CUX1: variants seen among roughly 807,000 people sequenced by gnomAD.
CUX1 encodes the protein cut like homeobox 1.
Under a neutral mutation model 158.8 loss-of-function variants are expected in CUX1, and 31 were observed. That is an observed-to-expected ratio of 0.20 (90% CI 0.15 to 0.26). CUX1 has a LOEUF of 0.26. Among genes scored for constraint, CUX1 ranks in the 10% least tolerant of loss-of-function variants. The pLI is 1.00. For synonymous variants in CUX1, 879 were observed against 862.1 expected (o/e 1.02, Z -0.34); for missense variants, 1,589 against 2,014.6 (o/e 0.79, Z 4.04).
At chr7:101,910,073 C>G (rs1201378858) in intron 1 of CUX1, among the ~76,000 whole-genome samples, 5 of 152,142 alleles carry the variant, frequency 3.3e-5, no homozygotes, top group Admixed American at 3.3e-4. Context: ...ATGCACACCA[C>G]CATGCCCAGC....
intron 5 of CUX1, among the ~76,000 whole-genome samples, chr7:102,103,432 TCTCA>T (rs143109348): frequency 0.017 from 2,478 of 148,396 alleles, 58 homozygotes; most frequent in African/African-American, 0.055. Flanking sequence ...TCTCTCTCTC[TCTCA>T]CTCACTCACT....
intron 4 of CUX1, among the ~76,000 whole-genome samples, chr7:102,079,447 A>G (rs1487970590): frequency 6.6e-6 from 1 of 151,998 alleles, no homozygotes; most frequent in Non-Finnish European, 1.5e-5. Context: ...CAAAAAAAAA[A>G]AAATGACAAA....
In CUX1 at chr7:102,178,463, C is replaced by T. The variant is rs782605802; in HGVS notation, c.829-6C>T. Reference sequence around the variant, plus strand: ...GCAGTTTTGTCATCTCTTTTCTCCTCCCCAGGAGCAGGCCATAGAGGTGCT... The same window carrying T: ...GCAGTTTTGTCATCTCTTTTCTCCTTCCCAGGAGCAGGCCATAGAGGTGCT... On this transcript the variant is annotated splice_polypyrimidine_tract_variant and splice_region_variant and intron_variant, in intron 10 of 23. Transcript: ENST00000292535. The T allele has an allele frequency of 3.8e-6, 6 of 1,589,016 alleles. No individual in the cohort carries two copies. The East Asian group carries it at 1.1e-4, about 30-fold the overall frequency.
intron 11 of CUX1, among the ~76,000 whole-genome samples, chr7:102,186,038 T>G (rs1243411792): frequency 1.3e-5 from 2 of 152,150 alleles, no homozygotes; most frequent in African/African-American, 4.8e-5. Context: ...TTCAGAGACA[T>G]TGGGAAACTG....
intron 8 of CUX1, among the ~76,000 whole-genome samples, chr7:102,149,330 A>G (rs1255737411): frequency 1.3e-5 from 2 of 152,024 alleles, no homozygotes; most frequent in African/African-American, 4.8e-5. Context: ...CTGGGATGTC[A>G]CTGTGCTGAA....
chr7:102,187,726 G>T (rs1045468715), intron 11 of CUX1, among the ~76,000 whole-genome samples: 22 of 150,546 alleles, frequency 1.5e-4, no homozygotes, highest in African/African-American at 4.9e-4. Flanking sequence ...AGCCAGGATG[G>T]TCTCAATCTC....
chr7:102,124,263 A>T (rs1224811171), intron 8 of CUX1, among the ~76,000 whole-genome samples: 1 of 152,184 alleles, frequency 6.6e-6, no homozygotes, highest in Non-Finnish European at 1.5e-5. Context: ...GTCAGGGTGG[A>T]TAACGGGCAT....
intron 2 of CUX1, among the ~76,000 whole-genome samples, chr7:101,927,657 A>C (rs1377629290): frequency 6.6e-6 from 1 of 152,218 alleles, no homozygotes; most frequent in Non-Finnish European, 1.5e-5. Context: ...CTTCAAAAAA[A>C]ACAAAAACAC....
At chr7:102,041,256 C>CTTTTTTTTTT (rs11427183) in intron 3 of CUX1, among the ~76,000 whole-genome samples, 3 of 69,892 alleles carry the variant, frequency 4.3e-5, no homozygotes, top group African/African-American at 1.0e-4. Flanking sequence ...CTTATCCATT[C>CTTTTTTTTTT]TTTTTTTTTT....
At chr7:102,095,632 C>T (rs1200853326) in intron 4 of CUX1, among the ~76,000 whole-genome samples, 2 of 152,108 alleles carry the variant, frequency 1.3e-5, no homozygotes, top group African/African-American at 4.8e-5. Context: ...TTCCAGGAAC[C>T]TAGGGTGGTC....
intron 2 of CUX1, among the ~76,000 whole-genome samples, chr7:102,025,576 C>T (rs759697254): frequency 2.0e-5 from 3 of 151,540 alleles, no homozygotes; most frequent in Admixed American, 6.6e-5. Flanking sequence ...TACAGTGAGC[C>T]GAGATCATGC....
intron 1 of CUX1, among the ~76,000 whole-genome samples, chr7:101,854,933 G>A (rs568248803): frequency 2.0e-5 from 3 of 152,190 alleles, no homozygotes; most frequent in East Asian, 1.9e-4. Context: ...TAGTAGAGGT[G>A]GGGTTTCACC....
chr7:102,210,601 T>C (rs540804838), intron 20 of CUX1, among the ~76,000 whole-genome samples: 1 of 152,352 alleles, frequency 6.6e-6, no homozygotes, highest in South Asian at 2.1e-4. Flanking sequence ...AGGTGTATTA[T>C]GGCTATCCAG....
intron 21 of CUX1, among the ~76,000 whole-genome samples, chr7:102,231,425 G>A (rs1240521060): frequency 6.6e-6 from 1 of 151,820 alleles, no homozygotes; most frequent in Non-Finnish European, 1.5e-5. Flanking sequence ...CACCATCATT[G>A]CTGGAGTTTT....
At chr7:102,147,285 C>A (rs1240183918) in intron 8 of CUX1, among the ~76,000 whole-genome samples, 1 of 152,248 alleles carries the variant, frequency 6.6e-6, no homozygotes, top group East Asian at 1.9e-4. Flanking sequence ...ATGAGGGCTG[C>A]CAAGAAAACC....
chr7:102,007,385 C>T (rs1817511418), intron 2 of CUX1, among the ~76,000 whole-genome samples: 1 of 152,070 alleles, frequency 6.6e-6, no homozygotes, highest in African/African-American at 2.4e-5. Context: ...TTCTCTTCCC[C>T]TCTCCTGTTA....
In CUX1 at chr7:101,884,802, T is replaced by C. The variant is rs117247293; in HGVS notation, c.31-31313T>C. Among the ~76,000 whole-genome samples, 870 of 152,322 alleles carry C rather than the reference T, an allele frequency of 5.7e-3. 3 individuals are homozygous for C. The highest frequency in any genetic ancestry group is 0.031 in the Middle Eastern group (9 of 294). ...TATTTACACAGTGACACCATAAACA[T>C]TGGATAAACAGAGGATTTGTTTTAA... On this transcript the variant is annotated intron_variant, in intron 1 of 23. Coordinates refer to ENST00000292535, the MANE Select transcript of CUX1 (RefSeq NM_181552.4).
At chr7:102,269,093 C>A (rs782175187) in intron 14 of CUX1, among the ~76,000 whole-genome samples, 1 of 149,632 alleles carries the variant, frequency 6.7e-6, no homozygotes, top group Non-Finnish European at 1.5e-5. Context: ...CACCACCACA[C>A]CCAGCTAATT....
intron 8 of CUX1, among the ~76,000 whole-genome samples, chr7:102,132,321 G>A (rs868979840): frequency 0.12 from 12 of 104 alleles, no homozygotes; most frequent in East Asian, 0.33. Flanking sequence ...GCGCGCGCGC[G>A]CGCACGCCAC....
Sources: allele counts gnomAD v4.1 joint callset (sites outside exome capture counted in the v4.1 genomes callset), GRCh38; gene constraint gnomAD v4.1.1; transcripts MANE v1.5; gene names NCBI Gene and HGNC (gene_info 2026-07-23, HGNC 2026-07-21).